Variants in PCDHGB2 observed in about 807,000 individuals in gnomAD.
PCDHGB2 encodes protocadherin gamma subfamily B, 2.
Under a neutral mutation model 59.3 loss-of-function variants are expected in PCDHGB2, and 55 were observed. That is an observed-to-expected ratio of 0.93 (90% CI 0.75 to 1.16). The LOEUF (loss-of-function observed/expected upper bound fraction) is 1.16. Ranked by LOEUF, PCDHGB2 falls within the 50% of genes most tolerant of loss-of-function variation. The probability of loss-of-function intolerance (pLI) is 0.00; values close to 1 mark genes in which losing one functional copy is unlikely to be tolerated. For synonymous variants in PCDHGB2, 516 were observed against 512.0 expected, an observed-to-expected ratio of 1.01 and a Z score of -0.11; for missense variants, 1,228 against 1,198.5, an observed-to-expected ratio of 1.02 and a Z score of -0.36.
intron 1 of PCDHGB2, chr5:141,378,627 TG>T (rs1588860853): frequency 6.6e-6 from 1 of 152,240 alleles, no homozygotes; most frequent in Admixed American, 6.5e-5. Context: ...GATGACTGAC[TG>T]GTGAATGGGA....
At position 141,485,286 on chromosome 5, in the gene PCDHGB2, A is replaced by G; in HGVS notation, c.2422-9521A>G. The G allele has an allele frequency of 2.5e-6, 4 of 1,614,044 alleles. No individual in the cohort carries two copies. On this transcript the variant is annotated intron_variant, in intron 1 of 3. Transcript: ENST00000522605. This position sits in a 1 kb window ranked among gnomAD's most constrained non-coding sequence, Gnocchi z 5.7. ...CAGATCCGCTACCCGGTCCCAGAGG[A>G]GTCACAGGAAGGGACTTTTGTAGGG...
rs72790032 is a variant in PCDHGB2 at position 141,393,544 on chromosome 5, A to G, written c.2421+30988A>G. On this transcript the variant is annotated intron_variant, in intron 1 of 3. Coordinates refer to ENST00000522605, the MANE Select transcript of PCDHGB2 (RefSeq NM_018923.3). ...AATGACAATGCCCCGGTTTTTCCTC[A>G]CCCGATTTACCGAGTGAAAGTCCTT... 18,579 of 1,613,800 alleles carry G rather than the reference A, an allele frequency of 0.012. 149 individuals carry two copies. The highest frequency in any genetic ancestry group is 0.014 in the Non-Finnish European group (16,983 of 1,179,880).
At chr5:141,367,112 C>A in intron 1 of PCDHGB2, 1 of 221,126 alleles carries the variant, frequency 4.5e-6, no homozygotes. Context: ...GCCTAGACAC[C>A]ATTAGTGAAT....
Position 141,431,534 on chromosome 5 carries a change from A to G in PCDHGB2, c.2422-63273A>G, listed in dbSNP as rs1331176313. Reference sequence around the variant, plus strand: ...CGTTCCGGAGAATCTGGCCTTGGGCACGCAGCTGCTTGTAGTCAACGCTAC... The same window carrying G: ...CGTTCCGGAGAATCTGGCCTTGGGCGCGCAGCTGCTTGTAGTCAACGCTAC... On this transcript the variant is annotated intron_variant, in intron 1 of 3. Coordinates refer to ENST00000522605, the MANE Select transcript of PCDHGB2 (RefSeq NM_018923.3). This position sits in a 1 kb window ranked among gnomAD's most constrained non-coding sequence, Gnocchi z 4.8. The G allele has an allele frequency of 1.2e-6, 2 of 1,614,110 alleles. No individual in the cohort carries two copies. The highest frequency in any genetic ancestry group is 8.5e-7 in the Non-Finnish European group (1 of 1,180,042).
intron 1 of PCDHGB2, among the ~76,000 whole-genome samples, chr5:141,482,723 A>G (rs1441054551): frequency 2.3e-5 from 3 of 128,892 alleles, no homozygotes; most frequent in Non-Finnish European, 4.9e-5. Context: ...GGGAGGGGCC[A>G]TTGCAAGAAA....
rs773048793 is a variant in PCDHGB2, at chr5:141,505,456, A to T, written c.2544A>T (p.Gln848His). The T allele has an allele frequency of 1.3e-5, 21 of 1,614,110 alleles. No homozygotes were observed. The highest frequency in any genetic ancestry group is 1.7e-5 in the Non-Finnish European group (20 of 1,180,044). The change falls in exon 3 of 4, where the codon CAA becomes CAT. Residue 848 changes from glutamine (Q) to histidine (H), a missense_variant. By Grantham distance (24) the Gln-to-His change is conservative (BLOSUM62 0). Coordinates refer to ENST00000522605, the MANE Select transcript of PCDHGB2 (RefSeq NM_018923.3). ...ACCAGTTTGACACAGAGATGCTGCA[A>T]GCCATGATCTTGGCGTCCGCCAGTG... ...PNNQFDTEML[Q>H]AMILASASEA...
rs1337141924 is a variant in PCDHGB2, at chr5:141,512,916, CTAATATT to C, written c.*1746_*1752del. On this transcript the variant is annotated 3_prime_UTR_variant, in exon 4 of 4. Coordinates refer to ENST00000522605, the MANE Select transcript of PCDHGB2 (RefSeq NM_018923.3). The stretch of plus-strand genomic sequence containing the variant: ...CTGTGTCTCACGCAAGTTTTATACT[CTAATATT>C]TATATGGCTTTTTTTCTTCGACAAA... The C allele has an allele frequency of 1.3e-5, 2 of 152,206 alleles. No homozygotes were observed. Among genetic ancestry groups the C allele is most frequent in the Non-Finnish European group, 2.9e-5 (2 of 68,046 alleles). The allele number at this position is 152,206 out of a possible 1,614,324, so 9.4% of individuals were successfully genotyped here.
Position 141,499,370 on chromosome 5 carries a change from A to T in PCDHGB2, c.2480+4505A>T, listed in dbSNP as rs546430948. ...CATTCAACAAACAAATAGCAACTTA[A>T]TTTTTTTCCACTTATAAAATAGTAC... On this transcript the variant is annotated intron_variant, in intron 2 of 3. Coordinates refer to ENST00000522605, the MANE Select transcript of PCDHGB2 (RefSeq NM_018923.3). 2.0e-3 allele frequency among the ~76,000 whole-genome samples: 300 copies of T among 152,286 alleles called. 1 individual carries two copies. The highest frequency in any genetic ancestry group is 2.7e-3 in the Non-Finnish European group (184 of 68,028).
At position 141,491,065 on chromosome 5, in the gene PCDHGB2, C is replaced by T; in HGVS notation, c.2422-3742C>T. On this transcript the variant is annotated intron_variant, in intron 1 of 3. Transcript: ENST00000522605. This position sits in a 1 kb window ranked among gnomAD's most constrained non-coding sequence, Gnocchi z 6.9. ...CCACAATGCGTGGCTCTCCTACTCA[C>T]TGTTGCCACAGTCCACAGCCCCAGG... 4 of 1,614,210 alleles carry T rather than the reference C, an allele frequency of 2.5e-6. No individual in the cohort carries two copies. Among genetic ancestry groups the T allele is most frequent in the Admixed American group, 1.7e-5 (1 of 60,030 alleles).
chr5:141,474,970 A>G (rs1309289477), intron 1 of PCDHGB2, among the ~76,000 whole-genome samples: 4 of 152,212 alleles, frequency 2.6e-5, no homozygotes, highest in African/African-American at 9.6e-5. Context: ...TAATCATTAT[A>G]ATTTTGTTTG....
At chr5:141,362,594 T>C in intron 1 of PCDHGB2, 38 bp downstream of exon 1, 1 of 1,586,338 alleles carries the variant, frequency 6.3e-7, no homozygotes. Context: ...TCTGGTTTTA[T>C]TGTTTCACCT....
In PCDHGB2 at chr5:141,486,600, C is replaced by G. The variant is rs748395954; in HGVS notation, c.2422-8207C>G. Reference sequence around the variant, plus strand: ...AATCGCCCAGGGGACCTGCTTTGCTCCCTTGCAGCCTCTGACCCAGACTCT... The same window carrying G: ...AATCGCCCAGGGGACCTGCTTTGCTGCCTTGCAGCCTCTGACCCAGACTCT... On this transcript the variant is annotated intron_variant, in intron 1 of 3. Transcript: ENST00000522605. This position sits in a 1 kb window ranked among gnomAD's most constrained non-coding sequence, Gnocchi z 5.0. 21 of 1,613,602 alleles carry G rather than the reference C, an allele frequency of 1.3e-5. No individual in the cohort carries two copies. Among genetic ancestry groups the G allele is most frequent in the South Asian group, 2.2e-5 (2 of 91,086 alleles).
At position 141,417,952 on chromosome 5, in the gene PCDHGB2, G is replaced by C. The variant is rs766243694; in HGVS notation, c.2421+55396G>C. 10 of 1,613,510 alleles carry C rather than the reference G, an allele frequency of 6.2e-6. No individual in the cohort carries two copies. In the African/African-American group the frequency reaches 1.3e-4, roughly 22 times the overall value. On this transcript the variant is annotated intron_variant, in intron 1 of 3. Coordinates refer to ENST00000522605, the MANE Select transcript of PCDHGB2 (RefSeq NM_018923.3). ...CTTTGTTCTACCCCACGCTGTGTGA[G>C]CCGATCCGCTACTCGATTCCGGAGG...
rs770093591 is a variant in PCDHGB2 at position 141,486,147 on chromosome 5, G to T, written c.2422-8660G>T. ...GAATTTGATGTGCGGGCTCGCGATG[G>T]GGGTTCTCCAGCCATGGAGCAACAT... On this transcript the variant is annotated intron_variant, in intron 1 of 3. Transcript: ENST00000522605. This position sits in a 1 kb window ranked among gnomAD's most constrained non-coding sequence, Gnocchi z 5.0. The T allele has an allele frequency of 6.2e-7, 1 of 1,614,168 alleles. No individual in the cohort carries two copies. The highest frequency in any genetic ancestry group is 1.7e-5 in the Admixed American group (1 of 60,028).
chr5:141,389,085 A>T (rs2091598298), intron 1 of PCDHGB2: 6 of 1,614,054 alleles, frequency 3.7e-6, no homozygotes, highest in Non-Finnish European at 5.1e-6. Context: ...AAACACGTAT[A>T]AATTAGTGAC....
At chr5:141,401,561 T>A (rs1436115390) in intron 1 of PCDHGB2, among the ~76,000 whole-genome samples, 1 of 152,230 alleles carries the variant, frequency 6.6e-6, no homozygotes, top group Non-Finnish European at 1.5e-5. Flanking sequence ...ATTGCCTGAA[T>A]TTCTCTTGCT....
chr5:141,408,806 C>A (rs1368887332), intron 1 of PCDHGB2: 2 of 1,612,894 alleles, frequency 1.2e-6, no homozygotes, highest in African/African-American at 1.3e-5. Flanking sequence ...ACTCCTAGAC[C>A]GGGAAGAACA....
At chr5:141,452,781 A>G (rs575869415) in intron 1 of PCDHGB2, among the ~76,000 whole-genome samples, 10 of 152,302 alleles carry the variant, frequency 6.6e-5, no homozygotes, top group African/African-American at 2.4e-4. Flanking sequence ...CTGAGAAAGT[A>G]ACATACCATC....
At position 141,385,228 on chromosome 5, in the gene PCDHGB2, GAC is replaced by G. The variant is rs1361009837; in HGVS notation, c.2421+22674_2421+22675del. 9 of 1,614,224 alleles carry G rather than the reference GAC, an allele frequency of 5.6e-6. No individual in the cohort carries two copies. The South Asian group carries it at 8.8e-5, about 16-fold the overall frequency. On this transcript the variant is annotated intron_variant, in intron 1 of 3. Transcript: ENST00000522605. ...GATCTTCCCCCAGCCCAACTATGTAGACATGCTCATCAGCCAGGAGAGCTGTG... is the reference window on the plus strand; with the variant it reads ...GATCTTCCCCCAGCCCAACTATGTAGATGCTCATCAGCCAGGAGAGCTGTG...
Sources: gnomAD v4.1 joint callset for allele counts (sites outside exome capture counted in the v4.1 genomes callset) on GRCh38, gnomAD v4.1.1 for gene constraint, Gnocchi (gnomAD v3.1) non-coding constraint, MANE v1.5 for transcripts, NCBI Gene and HGNC (gene_info 2026-07-23, HGNC 2026-07-21) for gene names.